DPP6: variants seen among roughly 807,000 people sequenced by gnomAD.
DPP6 encodes dipeptidyl peptidase like 6, also known as A-type potassium channel modulatory protein DPP6.
A neutral mutation model predicts 122.6 loss-of-function variants in DPP6; 69 were observed. That is an observed-to-expected ratio of 0.56 (90% CI 0.46 to 0.69). DPP6 has a LOEUF of 0.69. Ranked by LOEUF, DPP6 falls within the 30% of genes least tolerant of loss-of-function variation. DPP6 has a pLI of 0.00. For synonymous variants in DPP6, 418 were observed against 433.1 expected (o/e 0.97, Z 0.43); for missense variants, 928 against 1,116.9 (o/e 0.83, Z 2.41).
At chr7:154,703,618 CA>C (rs56393329) in intron 7 of DPP6, among the ~76,000 whole-genome samples, 86,191 of 117,240 alleles carry the variant, frequency 0.74, 32,133 homozygotes, top group Non-Finnish European at 0.86. Flanking sequence ...CACTCTGTCT[CA>C]AAAAAAAAAA....
chr7:154,265,575 G>A (rs1803368431), intron 1 of DPP6, among the ~76,000 whole-genome samples: 1 of 152,130 alleles, frequency 6.6e-6, no homozygotes, highest in Non-Finnish European at 1.5e-5. Context: ...TTCAATCATA[G>A]TATTCAATGC....
the DPP6 span, among the ~76,000 whole-genome samples, chr7:153,866,373 T>A: frequency 6.6e-6 from 1 of 152,326 alleles, no homozygotes; most frequent in South Asian, 2.1e-4. Flanking sequence ...TATCTCATTG[T>A]GGTTTTGATT....
In DPP6 at chr7:154,618,603, C is replaced by T. The variant is rs2130840258; in HGVS notation, c.628-19218C>T. On this transcript the variant is annotated intron_variant, in intron 5 of 25. Transcript: ENST00000377770. This position sits in a 1 kb window ranked among gnomAD's most constrained non-coding sequence, Gnocchi z 4.1. The stretch of plus-strand genomic sequence containing the variant: ...AAACCCACAGAGTTTATGATGTGCT[C>T]AGAGCCACGCACAGGATCGCTAGAA... 6.6e-6 allele frequency among the ~76,000 whole-genome samples: 1 copy of T among 152,292 alleles called. No individual in the cohort carries two copies. Among genetic ancestry groups the T allele is most frequent in the East Asian group, 1.9e-4 (1 of 5,178 alleles).
At chr7:154,644,272 C>G (rs746988084) in intron 6 of DPP6, among the ~76,000 whole-genome samples, 1 of 152,192 alleles carries the variant, frequency 6.6e-6, no homozygotes, top group African/African-American at 2.4e-5. Context: ...AATGGTGGGT[C>G]GGGAGCTCAG....
intron 1 of DPP6, among the ~76,000 whole-genome samples, chr7:154,277,118 A>G (rs913057852): frequency 2.4e-4 from 36 of 152,360 alleles, no homozygotes; most frequent in Non-Finnish European, 2.6e-4. Flanking sequence ...GAGTGCCGTC[A>G]TGTTCAGACC....
chr7:153,878,285 A>G, the DPP6 span, among the ~76,000 whole-genome samples: 4 of 152,276 alleles, frequency 2.6e-5, no homozygotes, highest in South Asian at 8.3e-4. Flanking sequence ...TCAAGTTTCT[A>G]GATATATAGC....
At chr7:153,859,343 A>G in the DPP6 span, among the ~76,000 whole-genome samples, 1 of 152,256 alleles carries the variant, frequency 6.6e-6, no homozygotes, top group African/African-American at 2.4e-5. Context: ...ACTTTCTCTC[A>G]AGCTGGAGTC....
the DPP6 span, among the ~76,000 whole-genome samples, chr7:153,870,661 T>C: frequency 1.8e-4 from 28 of 152,232 alleles, no homozygotes; most frequent in South Asian, 1.2e-3. Context: ...GTCAAAGTCA[T>C]TCTCCATCCA....
the DPP6 span, among the ~76,000 whole-genome samples, chr7:153,858,531 C>A: frequency 6.6e-6 from 1 of 152,148 alleles, no homozygotes; most frequent in Non-Finnish European, 1.5e-5. Context: ...ACTCTGCATT[C>A]CCTAGATCAC....
chr7:154,076,789 A>C (rs2150520529), intron 1 of DPP6, among the ~76,000 whole-genome samples: 1 of 152,230 alleles, frequency 6.6e-6, no homozygotes, highest in African/African-American at 2.4e-5. Flanking sequence ...CCACCTGACA[A>C]GGTGTACCCT....
chr7:153,993,654 A>G (rs1408826487), intron 1 of DPP6, among the ~76,000 whole-genome samples: 3 of 152,206 alleles, frequency 2.0e-5, no homozygotes, highest in Non-Finnish European at 2.9e-5. Flanking sequence ...AACCAAGGCT[A>G]GAAATCATAA....
the DPP6 span, among the ~76,000 whole-genome samples, chr7:153,854,235 T>C: frequency 2.0e-5 from 3 of 151,894 alleles, no homozygotes; most frequent in Admixed American, 6.6e-5. Flanking sequence ...ACCATGCTGT[T>C]TTGGTTACTG....
rs1315428292 is a variant in DPP6, at chr7:154,483,346, T to A, written c.457+8309T>A. 6.6e-6 allele frequency among the ~76,000 whole-genome samples: 1 copy of A among 152,104 alleles called. No homozygotes were observed. Among genetic ancestry groups the A allele is most frequent in the Non-Finnish European group, 1.5e-5 (1 of 68,028 alleles). On this transcript the variant is annotated intron_variant, in intron 3 of 25. Transcript: ENST00000377770. The surrounding 1 kb of genome is among the most constrained non-coding windows in gnomAD (Gnocchi z 8.1). Reference sequence around the variant, plus strand: ...GTGATCATTTGAGTCATATTTAAATTGTTTATTTCTTTCTGTTAAAGGTAA... The same window carrying A: ...GTGATCATTTGAGTCATATTTAAATAGTTTATTTCTTTCTGTTAAAGGTAA...
In DPP6 at chr7:154,052,838, G is replaced by C. The variant is rs1246818160; in HGVS notation, c.18G>C (p.Gln6His). The change falls in exon 1 of 26, where the codon CAG (glutamine) becomes CAC (histidine). Residue 6 changes from glutamine (Q) to histidine (H), a missense_variant. Coordinates refer to ENST00000377770, the MANE Select transcript of DPP6 (RefSeq NM_130797.4). This position sits in a 1 kb window ranked among gnomAD's most constrained non-coding sequence, Gnocchi z 4.8. ...GGTGCCCGATGGCTTCGCTGTACCA[G>C]AGGTTCACTGGCAAGATCAACACCT... MASLY[Q>H]RFTGKINTSR... is the part of the protein sequence containing the mutation. The C allele has an allele frequency of 2.0e-6, 3 of 1,534,256 alleles. No homozygotes were observed. The Admixed American group carries it at 5.9e-5, about 30-fold the overall frequency.
At chr7:154,183,849 A>C (rs567517452) in intron 1 of DPP6, among the ~76,000 whole-genome samples, 1 of 152,320 alleles carries the variant, frequency 6.6e-6, no homozygotes, top group African/African-American at 2.4e-5. Context: ...CTGTCACAAA[A>C]GTGAGTGTAA....
intron 16 of DPP6, among the ~76,000 whole-genome samples, chr7:154,829,754 C>T (rs569876270): frequency 6.6e-6 from 1 of 152,244 alleles, no homozygotes; most frequent in African/African-American, 2.4e-5. Context: ...CTAAGAGGAA[C>T]TGCAGACCAC....
intron 5 of DPP6, among the ~76,000 whole-genome samples, chr7:154,574,275 T>G (rs1831312801): frequency 7.4e-6 from 1 of 135,814 alleles, no homozygotes; most frequent in Non-Finnish European, 1.6e-5. Context: ...GTGTGTGGGG[T>G]CTGTGTGTGT....
intron 3 of DPP6, among the ~76,000 whole-genome samples, chr7:154,479,428 C>T (rs1482319042): frequency 2.0e-5 from 3 of 151,888 alleles, no homozygotes. Context: ...CGTGGTAGGG[C>T]ACACCTGTAG....
intron 7 of DPP6, among the ~76,000 whole-genome samples, chr7:154,677,837 C>T (rs1839011983): frequency 6.6e-6 from 1 of 152,126 alleles, no homozygotes; most frequent in East Asian, 1.9e-4. Flanking sequence ...TTGTAGGGTC[C>T]CAGGCCACCT....
Sources: gnomAD v4.1 joint callset for allele counts (sites outside exome capture counted in the v4.1 genomes callset) on GRCh38, gnomAD v4.1.1 for gene constraint, Gnocchi (gnomAD v3.1) non-coding constraint, MANE v1.5 for transcripts, NCBI Gene and HGNC (gene_info 2026-07-23, HGNC 2026-07-21) for gene names.